MAPK10: variants seen among roughly 807,000 people sequenced by gnomAD.
MAPK10 encodes mitogen-activated protein kinase 10.
MAPK10 carries 25 observed loss-of-function variants against 59.3 expected under a neutral mutation model. The observed-to-expected ratio is 0.42, with a 90% CI of 0.31 to 0.59. The LOEUF (loss-of-function observed/expected upper bound fraction) is 0.59. MAPK10 is among the 20% of genes least tolerant of loss of function. The pLI, the probability that MAPK10 is intolerant of heterozygous loss-of-function variation, is 0.15. For missense variants in MAPK10, 351 were observed against 568.9 expected (o/e 0.62, Z 3.90); for synonymous variants, 190 against 200.5 (o/e 0.95, Z 0.44).
At chr4:86,298,733 A>G (rs981803341) in intron 2 of MAPK10, among the ~76,000 whole-genome samples, 1 of 152,226 alleles carries the variant, frequency 6.6e-6, no homozygotes, top group Non-Finnish European at 1.5e-5. Context: ...ATTCTTGGTG[A>G]CTGGCCCAAA....
intron 2 of MAPK10, among the ~76,000 whole-genome samples, chr4:86,346,823 C>T (rs376686804): frequency 4.6e-5 from 7 of 151,146 alleles, no homozygotes; most frequent in Admixed American, 2.6e-4. Flanking sequence ...CACTTTTTCA[C>T]GTAGTTTTTG....
intron 1 of MAPK10, among the ~76,000 whole-genome samples, chr4:86,382,411 T>C (rs1180717014): frequency 1.3e-5 from 2 of 152,182 alleles, no homozygotes; most frequent in Non-Finnish European, 2.9e-5. Flanking sequence ...TACTTATTAT[T>C]CTAATTGTAC....
At chr4:86,564,943 T>C (rs1027129465) in intron 1 of MAPK10, among the ~76,000 whole-genome samples, 3 of 152,160 alleles carry the variant, frequency 2.0e-5, no homozygotes, top group Admixed American at 6.5e-5. Flanking sequence ...GAAACTGTGC[T>C]TAATGATTTG....
At chr4:86,566,542 T>A (rs1470094361) in intron 1 of MAPK10, among the ~76,000 whole-genome samples, 2 of 151,578 alleles carry the variant, frequency 1.3e-5, no homozygotes, top group African/African-American at 4.8e-5. Flanking sequence ...GGTGAAACCC[T>A]GTCTCTACTA....
chr4:86,300,787 G>A (rs1209309607), intron 2 of MAPK10: 5 of 151,262 alleles, frequency 3.3e-5, no homozygotes, highest in East Asian at 2.0e-4. Flanking sequence ...ACTATGTACC[G>A]ATAAGTTCAG....
intron 2 of MAPK10, among the ~76,000 whole-genome samples, chr4:86,244,950 C>A (rs1345846449): frequency 3.3e-5 from 5 of 152,232 alleles, no homozygotes; most frequent in Non-Finnish European, 7.3e-5. Context: ...TCCTATGTTA[C>A]ACTTTGCAGT....
intron 2 of MAPK10, among the ~76,000 whole-genome samples, chr4:86,259,390 A>G (rs1231002961): frequency 6.6e-6 from 1 of 152,112 alleles, no homozygotes; most frequent in Admixed American, 6.6e-5. Flanking sequence ...CCAACCTACC[A>G]TAGCCTTTCA....
At chr4:86,327,953 A>G (rs2096066082) in intron 2 of MAPK10, among the ~76,000 whole-genome samples, 1 of 151,996 alleles carries the variant, frequency 6.6e-6, no homozygotes, top group African/African-American at 2.4e-5. Context: ...TTGCTCAAAA[A>G]TAGTAATAAT....
At chr4:86,377,610 T>C (rs1459068601) in intron 1 of MAPK10, among the ~76,000 whole-genome samples, 1 of 152,202 alleles carries the variant, frequency 6.6e-6, no homozygotes, top group Non-Finnish European at 1.5e-5. Context: ...ATTCAATACA[T>C]TTTTGTTGAA....
At chr4:86,432,694 G>A (rs1285902840) in intron 1 of MAPK10, among the ~76,000 whole-genome samples, 16 of 152,106 alleles carry the variant, frequency 1.1e-4, no homozygotes, top group Admixed American at 1.0e-3. Flanking sequence ...CCAATGATAG[G>A]ACTTGTTACA....
At chr4:86,593,322 C>A (rs1371959977) in intron 1 of MAPK10, among the ~76,000 whole-genome samples, 2 of 152,210 alleles carry the variant, frequency 1.3e-5, no homozygotes, top group South Asian at 2.1e-4. Context: ...CTAAATTTAT[C>A]TTCAGGTACC....
intron 2 of MAPK10, among the ~76,000 whole-genome samples, chr4:86,219,506 CTTAAT>C (rs2088872848): frequency 6.6e-6 from 1 of 152,110 alleles, no homozygotes. Context: ...TCAATGTTTT[CTTAAT>C]TTATTCTTTT....
chr4:86,306,457 G>C (rs879294290), intron 2 of MAPK10, among the ~76,000 whole-genome samples: 1 of 152,122 alleles, frequency 6.6e-6, no homozygotes, highest in Non-Finnish European at 1.5e-5. Context: ...ACTTCCAGGG[G>C]ACCCCAAATC....
At chr4:86,255,668 A>G (rs1430692924) in intron 2 of MAPK10, among the ~76,000 whole-genome samples, 1 of 143,452 alleles carries the variant, frequency 7.0e-6, no homozygotes, top group African/African-American at 2.5e-5. Context: ...CAATTGCTAA[A>G]TTCTAGAAAA....
chr4:86,442,336 A>C (rs1214178631), intron 1 of MAPK10, among the ~76,000 whole-genome samples: 1 of 152,138 alleles, frequency 6.6e-6, no homozygotes, highest in Non-Finnish European at 1.5e-5. Context: ...ATATTAGTTA[A>C]TTTTATCCTA....
chr4:86,379,493 T>C (rs1485014252), intron 1 of MAPK10, among the ~76,000 whole-genome samples: 1 of 152,248 alleles, frequency 6.6e-6, no homozygotes, highest in East Asian at 1.9e-4. Flanking sequence ...CACTGTGACA[T>C]GTTTGTGATG....
intron 12 of MAPK10, among the ~76,000 whole-genome samples, chr4:86,030,823 G>C (rs2038861929): frequency 6.6e-6 from 1 of 151,940 alleles, no homozygotes; most frequent in African/African-American, 2.4e-5. Flanking sequence ...ATCTGCATTT[G>C]ACTTTCTCAT....
chr4:86,449,324 T>G (rs949299366), intron 1 of MAPK10, among the ~76,000 whole-genome samples: 11 of 152,204 alleles, frequency 7.2e-5, no homozygotes, highest in African/African-American at 2.7e-4. Context: ...CAAAAAACAC[T>G]ACAAATGTCT....
chr4:86,249,659 A>C (rs2148708991), intron 2 of MAPK10, among the ~76,000 whole-genome samples: 1 of 152,332 alleles, frequency 6.6e-6, no homozygotes, highest in Middle Eastern at 3.4e-3. Flanking sequence ...AGTAATGATC[A>C]GTACATGGGA....
Sources: allele counts gnomAD v4.1 joint callset (sites outside exome capture counted in the v4.1 genomes callset), GRCh38; gene constraint gnomAD v4.1.1; transcripts MANE v1.5; gene names NCBI Gene and HGNC (gene_info 2026-07-23, HGNC 2026-07-21).